RRAS2: variants seen among roughly 807,000 people sequenced by gnomAD.
The protein encoded by RRAS2 is RAS related 2, also known as ras-related protein R-Ras2.
A neutral mutation model predicts 27.6 loss-of-function variants in RRAS2; 7 were observed. The ratio of observed to expected loss-of-function variants is 0.25; its 90% confidence interval spans 0.14 to 0.48. The LOEUF (loss-of-function observed/expected upper bound fraction) is 0.48, where lower values mean the gene tolerates loss of function less well. Among genes scored for constraint, RRAS2 ranks in the 20% least tolerant of loss-of-function variants. The pLI is 0.99. For missense variants in RRAS2, 178 were observed against 256.2 expected (o/e 0.69, Z 2.08); for synonymous variants, 86 against 90.9 (o/e 0.95, Z 0.31).
chr11:14,351,382 T>C (rs916088236), intron 1 of RRAS2, among the ~76,000 whole-genome samples: 2 of 152,184 alleles, frequency 1.3e-5, no homozygotes, highest in Non-Finnish European at 2.9e-5. Context: ...GGTAATAGTA[T>C]AATAACAAAT....
At chr11:14,285,395 C>A (rs1238915193) in intron 4 of RRAS2, among the ~76,000 whole-genome samples, 1 of 152,124 alleles carries the variant, frequency 6.6e-6, no homozygotes, top group African/African-American at 2.4e-5. Context: ...AAGAAAAAAA[C>A]AAACTAGTTA....
chr11:14,327,510 T>C lies in RRAS2; in HGVS notation c.108+31253A>G, dbSNP rs1247316932. ...GCAATTTATGTTACCTTCAGAAGCA[T>C]TTTATCAGTACCCACAAAATTGCCT... is the stretch of plus-strand genomic sequence containing the variant. On this transcript the variant is annotated intron_variant, in intron 1 of 5. Coordinates refer to ENST00000256196, the MANE Select transcript of RRAS2 (RefSeq NM_012250.6). 1.3e-5 allele frequency among the ~76,000 whole-genome samples: 2 copies of C among 152,220 alleles called. 1 individual carries two copies. The highest frequency in any genetic ancestry group is 3.8e-4 in the East Asian group (2 of 5,198).
At chr11:14,364,479 C>G in exon 1 of RRAS2, 1 of 1,244,244 alleles carries the variant, frequency 8.0e-7, no homozygotes, top group South Asian at 1.3e-5. Flanking sequence ...AATGAAACCG[C>G]CCAGCAGGAG....
At chr11:14,300,022 G>A (rs1240906653) in intron 1 of RRAS2, among the ~76,000 whole-genome samples, 1 of 152,046 alleles carries the variant, frequency 6.6e-6, no homozygotes, top group East Asian at 1.9e-4. Flanking sequence ...ATGTTCTGTA[G>A]CAGAAAGAGA....
Position 14,359,099 on chromosome 11 carries a change from G to C in RRAS2, c.-229C>G. 2 of 1,068,134 alleles carry C rather than the reference G, an allele frequency of 1.9e-6. No individual in the cohort carries two copies. The highest frequency in any genetic ancestry group is 2.3e-6 in the Non-Finnish European group (2 of 884,278). 66.2% of individuals were successfully genotyped at this position (1,068,134 alleles called of 1,614,324 possible). On this transcript the variant is annotated 5_prime_UTR_variant, in exon 1 of 6. Transcript: ENST00000256196. Reference sequence around the variant, plus strand: ...CGGGGTGACGGCACGGGCCAGGGGCGGCAGCGGCCGGGGGGCGCGCTCCTC... The same window carrying C: ...CGGGGTGACGGCACGGGCCAGGGGCCGCAGCGGCCGGGGGGCGCGCTCCTC...
intron 1 of RRAS2, among the ~76,000 whole-genome samples, chr11:14,346,874 G>A (rs1191287475): frequency 6.6e-6 from 1 of 152,020 alleles, no homozygotes; most frequent in Admixed American, 6.6e-5. Flanking sequence ...AAATAAAAAG[G>A]CCAGGCACAG....
At chr11:14,282,421 A>G (rs557442134) in intron 4 of RRAS2, among the ~76,000 whole-genome samples, 16 of 152,224 alleles carry the variant, frequency 1.1e-4, no homozygotes, top group Non-Finnish European at 1.9e-4. Context: ...GAAAGGTGGC[A>G]TAGCTGATTG....
At chr11:14,362,231 G>A (rs1849199791), upstream of RRAS2, among the ~76,000 whole-genome samples, 5 of 152,136 alleles carry the variant, frequency 3.3e-5, no homozygotes, top group Admixed American at 3.3e-4. Context: ...TCTGTATTAT[G>A]TCTCAGTGAA....
intron 1 of RRAS2, among the ~76,000 whole-genome samples, chr11:14,313,353 A>G (rs1208047463): frequency 1.3e-5 from 2 of 152,232 alleles, no homozygotes; most frequent in African/African-American, 4.8e-5. Context: ...AATCACATTT[A>G]TATGCATATA....
intron 4 of RRAS2, among the ~76,000 whole-genome samples, chr11:14,282,395 T>C (rs1470671467): frequency 1.3e-5 from 2 of 152,290 alleles, no homozygotes; most frequent in East Asian, 3.9e-4. Context: ...CAATGCCTTA[T>C]ATTTTGGAGA....
chr11:14,325,712 T>G (rs1412548153), intron 1 of RRAS2, among the ~76,000 whole-genome samples: 2 of 152,224 alleles, frequency 1.3e-5, no homozygotes, highest in African/African-American at 2.4e-5. Flanking sequence ...CTTTTCTGTT[T>G]AAGTCTTTGT....
At chr11:14,347,921 A>G (rs914258764) in intron 1 of RRAS2, among the ~76,000 whole-genome samples, 2 of 152,196 alleles carry the variant, frequency 1.3e-5, no homozygotes, top group African/African-American at 4.8e-5. Flanking sequence ...GAAAAAAACA[A>G]AAACAGTTGT....
At chr11:14,315,254 G>C (rs1393763771) in intron 1 of RRAS2, among the ~76,000 whole-genome samples, 1 of 152,184 alleles carries the variant, frequency 6.6e-6, no homozygotes, top group Non-Finnish European at 1.5e-5. Context: ...ATCAGGGTCA[G>C]CATCAACAGT....
At chr11:14,306,801 G>C (rs1554948130) in intron 1 of RRAS2, among the ~76,000 whole-genome samples, 1 of 150,460 alleles carries the variant, frequency 6.6e-6, no homozygotes, top group East Asian at 2.0e-4. Context: ...CCCTAGCATA[G>C]TTCACTTGTC....
chr11:14,357,993 G>T (rs1168165438), intron 1 of RRAS2, among the ~76,000 whole-genome samples: 4 of 152,124 alleles, frequency 2.6e-5, no homozygotes, highest in Non-Finnish European at 4.4e-5. Flanking sequence ...AGGGCTGGGG[G>T]TAGGGGAGAG....
intron 1 of RRAS2, among the ~76,000 whole-genome samples, chr11:14,333,323 T>C (rs1325241090): frequency 6.6e-6 from 1 of 152,134 alleles, no homozygotes; most frequent in Non-Finnish European, 1.5e-5. Flanking sequence ...ATTTATCAAG[T>C]CAAAGGAAAA....
At chr11:14,304,281 T>TC (rs1158529422) in intron 1 of RRAS2, among the ~76,000 whole-genome samples, 1 of 152,192 alleles carries the variant, frequency 6.6e-6, no homozygotes, top group Non-Finnish European at 1.5e-5. Context: ...CTTTCTCCTC[T>TC]CCTCCACTAC....
chr11:14,280,062 A>G (rs893217466), intron 5 of RRAS2, among the ~76,000 whole-genome samples: 1 of 152,254 alleles, frequency 6.6e-6, no homozygotes, highest in Admixed American at 6.5e-5. Flanking sequence ...AACGGCAGTC[A>G]TAATTATTTT....
intron 1 of RRAS2, among the ~76,000 whole-genome samples, chr11:14,314,644 A>C (rs1848053855): frequency 6.6e-6 from 1 of 152,212 alleles, no homozygotes; most frequent in African/African-American, 2.4e-5. Flanking sequence ...AATAGCTTGA[A>C]AATTATTGCC....
Sources: gnomAD v4.1 joint callset for allele counts (sites outside exome capture counted in the v4.1 genomes callset) on GRCh38, gnomAD v4.1.1 for gene constraint, MANE v1.5 for transcripts, NCBI Gene and HGNC (gene_info 2026-07-23, HGNC 2026-07-21) for gene names.